The following ANKRD30B variants were observed in gnomAD, a reference collection of about 807,000 sequenced individuals.
The protein encoded by ANKRD30B is ankyrin repeat domain 30B, also known as ankyrin repeat domain-containing protein 30B.
In ANKRD30B, 144 loss-of-function variants were observed where a neutral mutation model predicts 202.2. That is an observed-to-expected ratio of 0.71 (90% CI 0.62 to 0.82). ANKRD30B has a LOEUF of 0.82. Ranked by LOEUF, ANKRD30B falls within the 40% of genes least tolerant of loss-of-function variation. The pLI, the probability that ANKRD30B is intolerant of heterozygous loss-of-function variation, is 0.00. For missense variants in ANKRD30B, 1,487 were observed against 1,669.1 expected (o/e 0.89, Z 1.90); for synonymous variants, 508 against 561.3 (o/e 0.91, Z 1.34).
intron 9 of ANKRD30B, among the ~76,000 whole-genome samples, chr18:14,774,390 C>CT (rs1211092958): frequency 1.3e-5 from 2 of 152,110 alleles, no homozygotes; most frequent in Non-Finnish European, 2.9e-5. Flanking sequence ...TTGCCCCAGA[C>CT]TTTTTTTCTC....
At chr18:14,919,710 A>G in the ANKRD30B span, among the ~76,000 whole-genome samples, 1 of 152,260 alleles carries the variant, frequency 6.6e-6, no homozygotes, top group Admixed American at 6.5e-5. Context: ...TTTGTCAGGA[A>G]AAACTCTTAG....
At chr18:14,903,079 T>C in the ANKRD30B span, among the ~76,000 whole-genome samples, 3 of 152,208 alleles carry the variant, frequency 2.0e-5, no homozygotes, top group Non-Finnish European at 4.4e-5. Context: ...CTGGAGGCTC[T>C]TGGGGAGCAC....
At chr18:14,845,718 C>T (rs905494597) in intron 39 of ANKRD30B, among the ~76,000 whole-genome samples, 2 of 151,964 alleles carry the variant, frequency 1.3e-5, no homozygotes, top group African/African-American at 4.8e-5. Context: ...AGCTTATCAA[C>T]AACATAAATT....
intron 30 of ANKRD30B, among the ~76,000 whole-genome samples, chr18:14,819,676 T>C (rs1277979192): frequency 1.3e-5 from 2 of 152,058 alleles, no homozygotes; most frequent in African/African-American, 2.4e-5. Flanking sequence ...TAGTTGTAGA[T>C]ATGTGGCGTT....
rs186852668 is a variant in ANKRD30B, at chr18:14,763,804, G to A, written c.939G>A (p.Thr313=). 3.1e-5 allele frequency: 50 copies of A among 1,613,752 alleles called. No individual in the cohort carries two copies. In the African/African-American group the frequency reaches 5.9e-4, roughly 19 times the overall value. The change falls in exon 7 of 44, where the codon ACG becomes ACA. Residue 313 remains threonine, a synonymous_variant. Transcript: ENST00000690538. ...AGGCTGCACGCTTGGTGGAGGGAAC[G>A]TCTGCCAAAATTCAATGTCTGGGGA... ...PDEAARLVEG[T]SAKIQCLGKA... is the part of the protein sequence containing the mutation.
intron 36 of ANKRD30B, among the ~76,000 whole-genome samples, chr18:14,840,042 G>T (rs1295110609): frequency 6.6e-6 from 1 of 152,014 alleles, no homozygotes; most frequent in Non-Finnish European, 1.5e-5. Flanking sequence ...TATTTTCCTT[G>T]CTCAGTAACC....
At chr18:14,820,954 G>C (rs1970383357) in intron 30 of ANKRD30B, among the ~76,000 whole-genome samples, 1 of 152,090 alleles carries the variant, frequency 6.6e-6, no homozygotes, top group Non-Finnish European at 1.5e-5. Flanking sequence ...GTTCCTCCTT[G>C]TACCACTGGT....
In ANKRD30B at chr18:14,769,237, G is replaced by A; in HGVS notation, c.1226-106G>A. 4.8e-6 allele frequency: 4 copies of A among 840,678 alleles called. No individual in the cohort carries two copies. The South Asian group carries it at 7.6e-5, about 16-fold the overall frequency. The allele number at this position is 840,678 out of a possible 1,614,324, so 52.1% of individuals were successfully genotyped here. ...TCCTCCTGCCTCACCTTCCCAAGTA[G>A]CTGGGATTACAGGCATTTGCCATCG... is the stretch of plus-strand genomic sequence containing the variant. On this transcript the variant is annotated intron_variant, in intron 7 of 43. Coordinates refer to ENST00000690538, the MANE Select transcript of ANKRD30B (RefSeq NM_001367607.2).
chr18:14,805,817 T>C (rs1173301961), intron 24 of ANKRD30B, among the ~76,000 whole-genome samples: 2 of 149,934 alleles, frequency 1.3e-5, no homozygotes, highest in Non-Finnish European at 3.0e-5. Flanking sequence ...GTATACATAT[T>C]GGCATTAACA....
intron 1 of ANKRD30B, among the ~76,000 whole-genome samples, chr18:14,750,596 T>C (rs182041638): frequency 3.2e-4 from 48 of 152,242 alleles, no homozygotes; most frequent in Middle Eastern, 3.4e-3. Context: ...TATACTAAAA[T>C]ATTTTTAGAA....
chr18:14,876,780 C>T, the ANKRD30B span, among the ~76,000 whole-genome samples: 49 of 152,328 alleles, frequency 3.2e-4, no homozygotes, highest in African/African-American at 1.2e-3. Context: ...TAAAATGCAC[C>T]AGAGTGTTCA....
In ANKRD30B at chr18:14,807,459, T is replaced by C. The variant is rs533309199; in HGVS notation, c.2285-1092T>C. Among the ~76,000 whole-genome samples, 6 of 149,614 alleles carry C rather than the reference T, an allele frequency of 4.0e-5. No individual in the cohort carries two copies. In the South Asian group the frequency reaches 1.1e-3, roughly 27 times the overall value. Reference sequence around the variant, plus strand: ...ATTTTCAATAACCATTATTCTAACATTGAAATATGCAGGTTAATGATATGT... The same window carrying C: ...ATTTTCAATAACCATTATTCTAACACTGAAATATGCAGGTTAATGATATGT... On this transcript the variant is annotated intron_variant, in intron 24 of 43. Transcript: ENST00000690538.
the ANKRD30B span, among the ~76,000 whole-genome samples, chr18:14,910,706 C>T: frequency 6.6e-6 from 1 of 151,942 alleles, no homozygotes; most frequent in Non-Finnish European, 1.5e-5. Context: ...TCTCCATTCT[C>T]TTTTTCATAG....
At chr18:14,928,736 G>A in the ANKRD30B span, among the ~76,000 whole-genome samples, 2 of 152,048 alleles carry the variant, frequency 1.3e-5, no homozygotes, top group Non-Finnish European at 2.9e-5. Flanking sequence ...CTCCTCTATT[G>A]GTACTGTTTC....
In ANKRD30B at chr18:14,748,306, G is replaced by C. The variant is rs1285736755; in HGVS notation, c.-114G>C. The C allele has an allele frequency of 1.2e-6, 1 of 860,138 alleles. No individual in the cohort carries two copies. The highest frequency in any genetic ancestry group is 1.7e-5 in the African/African-American group (1 of 58,200). The allele number at this position is 860,138 out of a possible 1,614,324, so 53.3% of individuals were successfully genotyped here. A position where few individuals can be genotyped will look rare whatever the true frequency, so the allele number is the denominator to read the frequency against. Reference sequence around the variant, plus strand: ...GGGTGCGGGAACTGAAGACGGGCGAGTGCGAGCCGGGGGCGGGTGCTGGGG... The same window carrying C: ...GGGTGCGGGAACTGAAGACGGGCGACTGCGAGCCGGGGGCGGGTGCTGGGG... On this transcript the variant is annotated 5_prime_UTR_variant, in exon 1 of 44. Coordinates refer to ENST00000690538, the MANE Select transcript of ANKRD30B (RefSeq NM_001367607.2).
intron 6 of ANKRD30B, among the ~76,000 whole-genome samples, chr18:14,762,037 A>T (rs890746959): frequency 6.6e-6 from 1 of 152,216 alleles, no homozygotes; most frequent in African/African-American, 2.4e-5. Flanking sequence ...CGGTATTCTT[A>T]CAATAAAGTG....
At chr18:14,901,751 G>C in the ANKRD30B span, among the ~76,000 whole-genome samples, 1 of 152,092 alleles carries the variant, frequency 6.6e-6, no homozygotes, top group Non-Finnish European at 1.5e-5. Context: ...TGCTCTCTTT[G>C]TGATAGGGCA....
chr18:14,898,727 T>C, the ANKRD30B span, among the ~76,000 whole-genome samples: 1 of 152,326 alleles, frequency 6.6e-6, no homozygotes, highest in South Asian at 2.1e-4. Flanking sequence ...GGTTACCAGT[T>C]TTCAGGTGGT....
intron 4 of ANKRD30B, 68 bp downstream of exon 4, chr18:14,755,073 A>G: frequency 1.2e-6 from 1 of 837,622 alleles, no homozygotes; most frequent in Non-Finnish European, 1.7e-6. Flanking sequence ...TGCTCAAGTC[A>G]GAAATATTAA....
Sources: gnomAD v4.1 joint callset for allele counts (sites outside exome capture counted in the v4.1 genomes callset) on GRCh38, gnomAD v4.1.1 for gene constraint, MANE v1.5 for transcripts, NCBI Gene and HGNC (gene_info 2026-07-23, HGNC 2026-07-21) for gene names.